Variants in PADI6 observed in about 807,000 individuals in gnomAD.
PADI6 encodes the protein inactive protein-arginine deiminase type-6.
A neutral mutation model predicts 78.2 loss-of-function variants in PADI6; 66 were observed. That is an observed-to-expected ratio of 0.84 (90% CI 0.69 to 1.04). The LOEUF (loss-of-function observed/expected upper bound fraction) is 1.04, where lower values mean the gene tolerates loss of function less well. Among genes scored for constraint, PADI6 ranks in the 50% least tolerant of loss-of-function variants. The pLI is 0.00. For missense variants in PADI6, 854 were observed against 866.1 expected, an observed-to-expected ratio of 0.99 and a Z score of 0.18; for synonymous variants, 397 against 346.9, an observed-to-expected ratio of 1.14 and a Z score of -1.60.
intron 3 of PADI6, among the ~76,000 whole-genome samples, chr1:17,377,613 C>A (rs963112832): frequency 1.3e-5 from 2 of 152,196 alleles, no homozygotes; most frequent in Non-Finnish European, 2.9e-5. Context: ...TCACAGTAGG[C>A]GGTAGCTCCA....
chr1:17,374,424 G>A (rs1020152850), intron 2 of PADI6, among the ~76,000 whole-genome samples: 6 of 152,124 alleles, frequency 3.9e-5, no homozygotes, highest in African/African-American at 9.7e-5. Context: ...TCGGGAGTTT[G>A]AGACCAGCCT....
Position 17,388,530 on chromosome 1 carries a change from G to C in PADI6, c.829G>C (p.Val277Leu), listed in dbSNP as rs768976918. 1.2e-6 allele frequency: 2 copies of C among 1,612,996 alleles called. No homozygotes were observed. The highest frequency in any genetic ancestry group is 1.7e-6 in the Non-Finnish European group (2 of 1,179,128). Residue 277 changes from valine to leucine, a missense_variant, in exon 7 of 16, where the codon GTG (valine) becomes CTG (leucine). Transcript: ENST00000619609. ...ATTCTCAGGCCTCATCTCCTACTCTGTGTCCCTGGTGGAGGAGTCTCAAGA... is the reference window on the plus strand; with the variant it reads ...ATTCTCAGGCCTCATCTCCTACTCTCTGTCCCTGGTGGAGGAGTCTCAAGA... ...AEFSGLISYS[V>L]SLVEESQDPS...
intron 5 of PADI6, among the ~76,000 whole-genome samples, chr1:17,381,415 C>A (rs1262100226): frequency 6.6e-6 from 1 of 152,188 alleles, no homozygotes; most frequent in Non-Finnish European, 1.5e-5. Context: ...ACACTAACTT[C>A]CCTGATCTTG....
Position 17,383,958 on chromosome 1 carries a change from G to A in PADI6, c.679+1866G>A, listed in dbSNP as rs559974331. On this transcript the variant is annotated intron_variant, in intron 6 of 15. Transcript: ENST00000619609. ...GAGGTCAGGAGTTCGAGACCAGCCC[G>A]GCCAACATGGCAAAACCACATCTCT... Among the ~76,000 whole-genome samples the A allele has an allele frequency of 5.9e-5, 9 of 151,636 alleles. No individual in the cohort carries two copies. In the South Asian group the frequency reaches 1.0e-3, roughly 18 times the overall value.
intron 3 of PADI6, among the ~76,000 whole-genome samples, chr1:17,377,846 CA>C (rs1157577758): frequency 6.6e-6 from 1 of 152,200 alleles, no homozygotes; most frequent in African/African-American, 2.4e-5. Flanking sequence ...CTTGATCCAG[CA>C]GCCAGAGTGG....
At chr1:17,379,214 C>T (rs1255343529) in intron 3 of PADI6, among the ~76,000 whole-genome samples, 7 of 145,980 alleles carry the variant, frequency 4.8e-5, no homozygotes, top group South Asian at 4.2e-4. Context: ...CTGGGGTTCA[C>T]GCCATTCTCC....
At chr1:17,375,523 C>T (rs909518418) in intron 3 of PADI6, 24 bp downstream of exon 3, 3 of 1,581,052 alleles carry the variant, frequency 1.9e-6, no homozygotes, top group Middle Eastern at 1.7e-4. Flanking sequence ...CAACTGGGAG[C>T]CTGGGGCCCA....
chr1:17,381,518 G>A (rs76455718), intron 5 of PADI6, among the ~76,000 whole-genome samples: 2,724 of 152,246 alleles, frequency 0.018, 37 homozygotes, highest in Non-Finnish European at 0.029. Context: ...GGGTATATGC[G>A]CTGCTTTCTA....
chr1:17,375,322 C>A (rs1231790402), intron 2 of PADI6, 105 bp from the exon 3 acceptor site: 2 of 1,069,500 alleles, frequency 1.9e-6, no homozygotes, highest in African/African-American at 1.6e-5. Context: ...GAAGCCATAA[C>A]ACAAGACCAA....
At position 17,398,521 on chromosome 1, in the gene PADI6, G is replaced by A. The variant is rs541826974; in HGVS notation, c.1690-165G>A. Among the ~76,000 whole-genome samples the A allele has an allele frequency of 7.9e-5, 12 of 152,226 alleles. No homozygotes were observed. The East Asian group carries it at 1.4e-3, about 17-fold the overall frequency. On this transcript the variant is annotated intron_variant, in intron 14 of 15. Coordinates refer to ENST00000619609, the MANE Select transcript of PADI6 (RefSeq NM_207421.4). ...ATGTGAAAAGGGAACTGCCTATTTCGTAAGGCTGGTATGAAGTGTGAGGCT... is the reference window on the plus strand; with the variant it reads ...ATGTGAAAAGGGAACTGCCTATTTCATAAGGCTGGTATGAAGTGTGAGGCT...
chr1:17,376,905 A>ACAGTCTCACTCTGTAGC (rs2075024791), intron 3 of PADI6, among the ~76,000 whole-genome samples: 1 of 151,970 alleles, frequency 6.6e-6, no homozygotes, highest in Non-Finnish European at 1.5e-5. Context: ...TGTTTTTGAG[A>ACAGTCTCACTCTGTAGC]CAGTCTCACT....
chr1:17,401,545 C>T lies in PADI6; in HGVS notation c.*107C>T, dbSNP rs2100332932. ...AGAGGAGGCTGGAGAGTCCAGGCAA[C>T]AGAACCCTTTCTTCCCTGTCTGCCC... On this transcript the variant is annotated 3_prime_UTR_variant, in exon 16 of 16. Coordinates refer to ENST00000619609, the MANE Select transcript of PADI6 (RefSeq NM_207421.4). 1 of 1,057,118 alleles carries T rather than the reference C, an allele frequency of 9.5e-7. No homozygotes were observed. The highest frequency in any genetic ancestry group is 1.6e-5 in the South Asian group (1 of 62,406). 65.5% of individuals were successfully genotyped at this position (1,057,118 alleles called of 1,614,324 possible).
chr1:17,393,861 G>A (rs559191480), intron 9 of PADI6, 114 bp from the exon 10 acceptor site: 4 of 848,812 alleles, frequency 4.7e-6, no homozygotes, highest in African/African-American at 1.7e-5. Context: ...GCTGGGTGTT[G>A]AGGGTTGAGC....
chr1:17,376,508 TG>T (rs538472347), intron 3 of PADI6, among the ~76,000 whole-genome samples: 4 of 150,310 alleles, frequency 2.7e-5, no homozygotes, highest in African/African-American at 1.0e-4. Flanking sequence ...TTATTTTTAG[TG>T]GGCTAATTTT....
At position 17,401,091 on chromosome 1, in the gene PADI6, A is replaced by C. The variant is rs2075296914; in HGVS notation, c.1852-114A>C. On this transcript the variant is annotated intron_variant, in intron 15 of 15. Transcript: ENST00000619609. ...AGTGAGCTGGGTTTCACTGACCTGGAGGAGGCGGCTGCCTGCCTGCTACGC... is the reference window on the plus strand; with the variant it reads ...AGTGAGCTGGGTTTCACTGACCTGGCGGAGGCGGCTGCCTGCCTGCTACGC... The C allele has an allele frequency of 3.5e-6, 3 of 859,118 alleles. No individual in the cohort carries two copies. In the Admixed American group the frequency reaches 7.9e-5, roughly 23 times the overall value. The allele number at this position is 859,118 out of a possible 1,614,324, so 53.2% of individuals were successfully genotyped here. A position where few individuals can be genotyped will look rare whatever the true frequency, so the allele number is the denominator to read the frequency against.
At chr1:17,381,220 C>T in intron 5 of PADI6, 56 bp downstream of exon 5, 1 of 1,420,014 alleles carries the variant, frequency 7.0e-7, no homozygotes, top group Non-Finnish European at 9.7e-7. Context: ...TGCCCTGCTT[C>T]TCAGCAAATG....
At chr1:17,376,646 C>G (rs1426493865) in intron 3 of PADI6, among the ~76,000 whole-genome samples, 1 of 151,950 alleles carries the variant, frequency 6.6e-6, no homozygotes, top group Non-Finnish European at 1.5e-5. Flanking sequence ...GATCCGCCCA[C>G]CTCAGCCTCC....
At chr1:17,381,829 C>A in intron 5 of PADI6, 138 bp from the exon 6 acceptor site, 1 of 949,982 alleles carries the variant, frequency 1.1e-6, no homozygotes, top group Non-Finnish European at 1.6e-6. Context: ...GGTAATTCTT[C>A]GGGCCTGGGC....
chr1:17,375,975 CTTTT>C (rs575076756), intron 3 of PADI6, among the ~76,000 whole-genome samples: 32 of 150,352 alleles, frequency 2.1e-4, no homozygotes, highest in Non-Finnish European at 4.0e-4. Context: ...ATAACATCTA[CTTTT>C]TTTTTCTTTT....
Sources: gnomAD v4.1 joint callset for allele counts (sites outside exome capture counted in the v4.1 genomes callset) on GRCh38, gnomAD v4.1.1 for gene constraint, MANE v1.5 for transcripts, NCBI Gene and HGNC (gene_info 2026-07-23, HGNC 2026-07-21) for gene names.